RIMS2: variants seen among roughly 807,000 people sequenced by gnomAD.
The protein encoded by RIMS2 is regulating synaptic membrane exocytosis 2, also known as regulating synaptic membrane exocytosis protein 2.
RIMS2 carries 59 observed loss-of-function variants against 174.4 expected under a neutral mutation model. The observed-to-expected ratio is 0.34, with a 90% CI of 0.27 to 0.42. The LOEUF (loss-of-function observed/expected upper bound fraction) is 0.42. Among genes scored for constraint, RIMS2 ranks in the 10% least tolerant of loss-of-function variants. RIMS2 has a pLI of 1.00. For missense variants in RIMS2, 1,620 were observed against 1,666.3 expected (o/e 0.97, Z 0.48); for synonymous variants, 606 against 572.5 (o/e 1.06, Z -0.84).
intron 19 of RIMS2, among the ~76,000 whole-genome samples, chr8:104,195,936 G>A (rs1255813389): frequency 6.6e-6 from 1 of 151,994 alleles, no homozygotes; most frequent in Non-Finnish European, 1.5e-5. Flanking sequence ...GACTTTTAAG[G>A]CAAATGTAGA....
intron 1 of RIMS2, among the ~76,000 whole-genome samples, chr8:103,576,029 A>G (rs2093205786): frequency 6.6e-6 from 1 of 152,190 alleles, no homozygotes; most frequent in Non-Finnish European, 1.5e-5. Flanking sequence ...ACAACCAAAC[A>G]CAAAGTGGGA....
intron 17 of RIMS2, among the ~76,000 whole-genome samples, chr8:104,012,475 G>A (rs1420541817): frequency 6.6e-6 from 1 of 151,598 alleles, no homozygotes; most frequent in African/African-American, 2.4e-5. Context: ...TTTCTTGACT[G>A]TCTATATTAT....
chr8:103,776,755 T>C (rs945707281), intron 3 of RIMS2, among the ~76,000 whole-genome samples: 11 of 152,172 alleles, frequency 7.2e-5, no homozygotes, highest in Admixed American at 5.9e-4. Context: ...CAACATCAAT[T>C]TCAAAAGTTA....
chr8:104,159,019 A>G (rs536694043), intron 19 of RIMS2, among the ~76,000 whole-genome samples: 93 of 152,170 alleles, frequency 6.1e-4, no homozygotes, highest in Non-Finnish European at 1.1e-3. Flanking sequence ...TAGGGTTTTT[A>G]TGGTTTTAGG....
chr8:104,179,856 A>G (rs1586690110), intron 19 of RIMS2, among the ~76,000 whole-genome samples: 2 of 151,954 alleles, frequency 1.3e-5, no homozygotes, highest in South Asian at 2.1e-4. Context: ...TTCCTTACTT[A>G]CCTACCTCCT....
chr8:103,923,493 A>C (rs917434908), intron 10 of RIMS2, among the ~76,000 whole-genome samples: 6 of 151,936 alleles, frequency 3.9e-5, no homozygotes, highest in Non-Finnish European at 8.8e-5. Flanking sequence ...TCATGGTTCA[A>C]AATTAATATG....
At chr8:104,058,395 C>T (rs369480708) in intron 19 of RIMS2, among the ~76,000 whole-genome samples, 2,804 of 148,476 alleles carry the variant, frequency 0.019, 68 homozygotes, top group African/African-American at 0.064. Context: ...TCATATCCTT[C>T]GCCCACTTTT....
At chr8:103,568,976 A>C in intron 1 of RIMS2, 1 of 614,682 alleles carries the variant, frequency 1.6e-6, no homozygotes, top group East Asian at 3.3e-5. Context: ...GCATGAGCTG[A>C]TCACCGTGTT....
intron 1 of RIMS2, among the ~76,000 whole-genome samples, chr8:103,696,030 G>C (rs2097096803): frequency 6.6e-6 from 1 of 151,972 alleles, no homozygotes; most frequent in East Asian, 1.9e-4. Context: ...GAAAATTTTT[G>C]GTCATAATCC....
At chr8:103,887,620 A>G (rs1163639781) in intron 4 of RIMS2, among the ~76,000 whole-genome samples, 1 of 151,532 alleles carries the variant, frequency 6.6e-6, no homozygotes, top group Non-Finnish European at 1.5e-5. Context: ...CAATTTCCTT[A>G]TACTATTTGA....
chr8:103,994,416 A>G (rs1474574560), intron 17 of RIMS2, among the ~76,000 whole-genome samples: 2 of 151,756 alleles, frequency 1.3e-5, no homozygotes, highest in African/African-American at 4.8e-5. Flanking sequence ...TTGTTTTTCT[A>G]TTTTTTTCTT....
At chr8:103,504,814 C>CT (rs949101975) in intron 1 of RIMS2, among the ~76,000 whole-genome samples, 78 of 133,798 alleles carry the variant, frequency 5.8e-4, no homozygotes, top group African/African-American at 1.7e-3. Context: ...GAAATAAAAT[C>CT]TTTTTTTTTC....
chr8:103,818,103 T>G (rs1007460274), intron 3 of RIMS2, among the ~76,000 whole-genome samples: 2 of 152,078 alleles, frequency 1.3e-5, no homozygotes, highest in African/African-American at 4.8e-5. Context: ...GTTTAAAAAT[T>G]TATATTATTA....
chr8:103,748,040 G>T (rs2097843379), intron 2 of RIMS2, among the ~76,000 whole-genome samples: 1 of 152,138 alleles, frequency 6.6e-6, no homozygotes, highest in Non-Finnish European at 1.5e-5. Context: ...ACAGGAGAAA[G>T]AAGCACATTT....
At chr8:103,895,817 A>G (rs1233980115) in intron 4 of RIMS2, among the ~76,000 whole-genome samples, 12 of 151,572 alleles carry the variant, frequency 7.9e-5, no homozygotes, top group Admixed American at 7.9e-4. Context: ...CTTAAAATGT[A>G]GAATTTGTCT....
chr8:103,504,138 A>C (rs1352393527), intron 1 of RIMS2, among the ~76,000 whole-genome samples: 1 of 152,096 alleles, frequency 6.6e-6, no homozygotes, highest in East Asian at 1.9e-4. Flanking sequence ...TCAATTTATC[A>C]GTAAAATTTA....
chr8:103,697,434 C>T lies in RIMS2; in HGVS notation c.387+138C>T, dbSNP rs2097116353. ...ACATTTTAAAATGCTTGTGGCCAGACACGATGGCTCACGCCTGTAATCTTA... is the reference window on the plus strand; with the variant it reads ...ACATTTTAAAATGCTTGTGGCCAGATACGATGGCTCACGCCTGTAATCTTA... On this transcript the variant is annotated intron_variant, in intron 2 of 23. Coordinates refer to ENST00000504942, the Ensembl canonical transcript of RIMS2. 2 of 717,890 alleles carry T rather than the reference C, an allele frequency of 2.8e-6. 1 individual carries two copies. The highest frequency in any genetic ancestry group is 3.4e-5 in the South Asian group (2 of 58,244). The allele number at this position is 717,890 out of a possible 1,614,324, so 44.5% of individuals were successfully genotyped here.
chr8:103,998,449 C>G (rs2095239930), intron 17 of RIMS2, among the ~76,000 whole-genome samples: 1 of 151,660 alleles, frequency 6.6e-6, no homozygotes, highest in Admixed American at 6.6e-5. Context: ...TACAGTGTCC[C>G]TTTTGTAAAT....
chr8:104,194,708 G>C (rs75667727), intron 19 of RIMS2, among the ~76,000 whole-genome samples: 95 of 152,238 alleles, frequency 6.2e-4, no homozygotes, highest in Middle Eastern at 3.4e-3. Flanking sequence ...GTTTAATACT[G>C]TTTGGTAGAG....
Sources: gnomAD v4.1 joint callset for allele counts (sites outside exome capture counted in the v4.1 genomes callset) on GRCh38, gnomAD v4.1.1 for gene constraint, MANE v1.5 for transcripts, NCBI Gene and HGNC (gene_info 2026-07-23, HGNC 2026-07-21) for gene names.